The following CPXM2 variants were observed in gnomAD, a reference collection of about 807,000 sequenced individuals.
CPXM2 encodes inactive carboxypeptidase-like protein X2.
Under a neutral mutation model 86.1 loss-of-function variants are expected in CPXM2, and 66 were observed. That is an observed-to-expected ratio of 0.77 (90% CI 0.63 to 0.94). CPXM2 has a LOEUF of 0.94. CPXM2 is among the 40% of genes least tolerant of loss of function. CPXM2 has a pLI of 0.00. For missense variants in CPXM2, 948 were observed against 1,026.3 expected, an observed-to-expected ratio of 0.92 and a Z score of 1.04; for synonymous variants, 388 against 400.2, an observed-to-expected ratio of 0.97 and a Z score of 0.36.
At chr10:123,877,894 C>T (rs1324977321) in intron 2 of CPXM2, among the ~76,000 whole-genome samples, 1 of 152,190 alleles carries the variant, frequency 6.6e-6, no homozygotes, top group East Asian at 1.9e-4. Context: ...CTGAGATGAG[C>T]CTTTTAACCC....
chr10:123,866,379 T>C (rs573646424), intron 2 of CPXM2, among the ~76,000 whole-genome samples: 24 of 141,470 alleles, frequency 1.7e-4, no homozygotes, highest in African/African-American at 5.6e-5. Context: ...GCCTGGCCGA[T>C]ATGGTGAAAC....
intron 3 of CPXM2, among the ~76,000 whole-genome samples, chr10:123,845,020 T>C (rs995583756): frequency 1.5e-4 from 22 of 150,656 alleles, no homozygotes; most frequent in Admixed American, 7.3e-4. Context: ...TGAGCCAAGA[T>C]TGCACCACTG....
Position 123,928,272 on chromosome 10 carries a change from A to C in CPXM2, n.174+11205T>G, listed in dbSNP as rs551781862. 1.1e-4 allele frequency among the ~76,000 whole-genome samples: 17 copies of C among 152,212 alleles called. No individual in the cohort carries two copies. In the East Asian group the frequency reaches 3.3e-3, roughly 29 times the overall value. On this transcript the variant is annotated intron_variant and non_coding_transcript_variant, in intron 2 of 19. Transcript: ENST00000368854. ...ATAGCTGGTTCCAAACCTCTCCAAA[A>C]ACTCTTCAAAGACAGCCAGAGTGGA...
intron 13 of CPXM2, chr10:123,750,216 G>A (rs1005479437): frequency 1.0e-6 from 1 of 985,346 alleles, no homozygotes; most frequent in Non-Finnish European, 1.2e-6. Flanking sequence ...AATTTTTGAG[G>A]AGAAATAGAC....
intron 3 of CPXM2, among the ~76,000 whole-genome samples, chr10:123,859,591 G>A (rs1035802930): frequency 1.3e-5 from 2 of 152,236 alleles, no homozygotes; most frequent in South Asian, 2.1e-4. Flanking sequence ...TGGGGATGGC[G>A]GGCCCAGATT....
At chr10:123,944,035 G>A (rs924776943), upstream of CPXM2, among the ~76,000 whole-genome samples, 1 of 152,208 alleles carries the variant, frequency 6.6e-6, no homozygotes, top group African/African-American at 2.4e-5. Flanking sequence ...TCCACAGCTT[G>A]GGATAGGATG....
chr10:123,893,008 G>C (rs1254330178), upstream of CPXM2, among the ~76,000 whole-genome samples: 3 of 152,250 alleles, frequency 2.0e-5, no homozygotes, highest in African/African-American at 7.2e-5. Flanking sequence ...GTGCTTTTAA[G>C]AGAGTGTGAA....
intron 2 of CPXM2, among the ~76,000 whole-genome samples, chr10:123,910,776 G>T (rs181649590): frequency 2.6e-5 from 4 of 152,064 alleles, no homozygotes; most frequent in Admixed American, 2.0e-4. Context: ...ATTCTCTCAC[G>T]GTCCTGAAGG....
At chr10:123,795,640 C>T (rs1847319852) in intron 6 of CPXM2, among the ~76,000 whole-genome samples, 1 of 152,036 alleles carries the variant, frequency 6.6e-6, no homozygotes, top group African/African-American at 2.4e-5. Flanking sequence ...GACATGATGA[C>T]CCCATCAGGC....
intron 6 of CPXM2, among the ~76,000 whole-genome samples, chr10:123,794,849 C>T (rs868088493): frequency 2.2e-4 from 33 of 151,634 alleles, no homozygotes; most frequent in African/African-American, 7.0e-4. Context: ...CGGCTCACTG[C>T]GACCTCACCT....
In CPXM2 at chr10:123,842,405, A is replaced by G; in HGVS notation, c.597T>C (p.Ala199=). 1 of 1,614,224 alleles carries G rather than the reference A, an allele frequency of 6.2e-7. No individual in the cohort carries two copies. The change falls in exon 4 of 14, where the codon GCT becomes GCC. Residue 199 remains alanine, a synonymous_variant. Transcript: ENST00000241305. The part of the protein sequence containing the change: ...NDLQQWIEVD[A]RRLTRFTGVI... ...CACCAGTGAATCTGGTCAGGCGCCG[A>G]GCATCCACTTCAATCCACTGCTGGA...
At chr10:123,877,863 C>T (rs538598607) in intron 2 of CPXM2, among the ~76,000 whole-genome samples, 1 of 152,294 alleles carries the variant, frequency 6.6e-6, no homozygotes, top group South Asian at 2.1e-4. Context: ...AGCTAAAGTT[C>T]CATAAGGATG....
rs187260296 is a variant in CPXM2 at position 123,793,264 on chromosome 10, A to G, written c.889+4712T>C. Among the ~76,000 whole-genome samples, 542 of 152,062 alleles carry G rather than the reference A, an allele frequency of 3.6e-3. 4 individuals carry two copies. Among genetic ancestry groups the G allele is most frequent in the African/African-American group, 0.012 (495 of 41,482 alleles). ...TGGATGACGAGGTCAGGAGATCAAG[A>G]CCATCCTGGCTGACACGGTGAAACC... is the stretch of plus-strand genomic sequence containing the variant. On this transcript the variant is annotated intron_variant, in intron 6 of 13. Coordinates refer to ENST00000241305, the MANE Select transcript of CPXM2 (RefSeq NM_198148.3).
chr10:123,787,679 G>A (rs531119787), intron 6 of CPXM2, among the ~76,000 whole-genome samples: 1 of 152,238 alleles, frequency 6.6e-6, no homozygotes, highest in South Asian at 2.1e-4. Flanking sequence ...CTTGCTGTTT[G>A]CTGCCTTCTG....
chr10:123,808,767 A>T (rs755048874), intron 4 of CPXM2, among the ~76,000 whole-genome samples: 3 of 152,192 alleles, frequency 2.0e-5, no homozygotes, highest in Non-Finnish European at 2.9e-5. Flanking sequence ...AGGCAGCATA[A>T]ACAAAAAGCA....
At chr10:123,762,284 G>A in intron 10 of CPXM2, 115 bp from the exon 11 acceptor site, 2 of 1,447,812 alleles carry the variant, frequency 1.4e-6, no homozygotes, top group Non-Finnish European at 1.9e-6. Context: ...TCTTAGTAAA[G>A]TTCAGAATTT....
intron 4 of CPXM2, among the ~76,000 whole-genome samples, chr10:123,840,717 T>C (rs554225363): frequency 2.0e-5 from 3 of 152,318 alleles, no homozygotes; most frequent in Admixed American, 2.0e-4. Flanking sequence ...TTTTGCTGGA[T>C]GTTATAATAT....
At chr10:123,749,987 T>TG (rs1389044020) in intron 13 of CPXM2, 22 of 360,662 alleles carry the variant, frequency 6.1e-5, no homozygotes, top group Non-Finnish European at 8.0e-5. Context: ...TGTTTTTTTT[T>TG]TTTTTTTTTT....
chr10:123,923,208 C>A (rs767437546), intron 2 of CPXM2, among the ~76,000 whole-genome samples: 1 of 152,124 alleles, frequency 6.6e-6, no homozygotes, highest in Non-Finnish European at 1.5e-5. Context: ...AAAAGTGGAG[C>A]GACCATGCTA....
Sources: gnomAD v4.1 joint callset for allele counts (sites outside exome capture counted in the v4.1 genomes callset) on GRCh38, gnomAD v4.1.1 for gene constraint, MANE v1.5 for transcripts, NCBI Gene and HGNC (gene_info 2026-07-23, HGNC 2026-07-21) for gene names.